Variants in MTHFD2L observed in about 807,000 individuals in gnomAD.
MTHFD2L encodes the protein bifunctional methylenetetrahydrofolate dehydrogenase/cyclohydrolase 2, mitochondrial.
MTHFD2L carries 29 observed loss-of-function variants against 34.9 expected under a neutral mutation model. The observed-to-expected ratio is 0.83, with a 90% CI of 0.62 to 1.13. MTHFD2L has a LOEUF of 1.13. Ranked by LOEUF, MTHFD2L falls within the 50% of genes most tolerant of loss-of-function variation. The pLI is 0.00. For synonymous variants in MTHFD2L, 167 were observed against 155.7 expected (o/e 1.07, Z -0.54); for missense variants, 481 against 446.5 (o/e 1.08, Z -0.70).
intron 6 of MTHFD2L, among the ~76,000 whole-genome samples, chr4:74,242,957 T>C (rs1156913556): frequency 6.6e-6 from 1 of 152,232 alleles, no homozygotes; most frequent in East Asian, 1.9e-4. Context: ...CATTTCACAT[T>C]CATATTTTTA....
intron 1 of MTHFD2L, among the ~76,000 whole-genome samples, chr4:74,129,778 A>T (rs1190447301): frequency 6.6e-6 from 1 of 152,168 alleles, no homozygotes; most frequent in Non-Finnish European, 1.5e-5. Context: ...CCCTTCAAAA[A>T]AATGAATGAA....
At chr4:74,159,156 C>T (rs1222241997) in intron 1 of MTHFD2L, among the ~76,000 whole-genome samples, 1 of 152,180 alleles carries the variant, frequency 6.6e-6, no homozygotes, top group African/African-American at 2.4e-5. Flanking sequence ...TAATTTAAAT[C>T]AGTTAACTCC....
At chr4:74,214,729 C>T (rs1245036777) in intron 5 of MTHFD2L, among the ~76,000 whole-genome samples, 1 of 151,802 alleles carries the variant, frequency 6.6e-6, no homozygotes, top group Non-Finnish European at 1.5e-5. Context: ...TAGCAGAGCT[C>T]GAATGCTGTG....
At chr4:74,205,837 G>C (rs1221477441) in intron 5 of MTHFD2L, among the ~76,000 whole-genome samples, 1 of 151,438 alleles carries the variant, frequency 6.6e-6, no homozygotes, top group Non-Finnish European at 1.5e-5. Flanking sequence ...GGTGATGGGG[G>C]AACAAGGGGA....
At chr4:74,157,481 T>C, upstream of MTHFD2L, 1 of 365,986 alleles carries the variant, frequency 2.7e-6, no homozygotes, top group Admixed American at 3.6e-5. Flanking sequence ...CACCACACAA[T>C]GCAGGGTTCT....
At chr4:74,262,960 T>C (rs528479120) in intron 6 of MTHFD2L, among the ~76,000 whole-genome samples, 2 of 152,052 alleles carry the variant, frequency 1.3e-5, no homozygotes, top group South Asian at 4.2e-4. Flanking sequence ...AGCTAAAACA[T>C]TCACCAATAG....
chr4:74,250,031 G>T lies in MTHFD2L; in HGVS notation c.805+24637G>T, dbSNP rs1175465432. The stretch of plus-strand genomic sequence containing the variant: ...CCTGAATCTGAATGTTGCCTGCCTT[G>T]CTAGATTGGGAAAGTTCTCCTGGAT... On this transcript the variant is annotated intron_variant, in intron 6 of 7. Coordinates refer to ENST00000325278, the MANE Select transcript of MTHFD2L (RefSeq NM_001144978.3). 3.3e-5 allele frequency among the ~76,000 whole-genome samples: 5 copies of T among 151,818 alleles called. No homozygotes were observed. In the South Asian group the frequency reaches 6.2e-4, roughly 19 times the overall value.
chr4:74,201,458 T>C, intron 5 of MTHFD2L, 88 bp downstream of exon 5: 1 of 954,888 alleles, frequency 1.0e-6, no homozygotes, highest in East Asian at 2.6e-5. Context: ...ATGCAGCTTA[T>C]TATATTTGTG....
At chr4:74,253,129 T>G (rs890414922) in intron 6 of MTHFD2L, among the ~76,000 whole-genome samples, 2 of 152,154 alleles carry the variant, frequency 1.3e-5, no homozygotes, top group African/African-American at 4.8e-5. Flanking sequence ...CTCAGTAGAA[T>G]GGTGCAATGA....
intron 6 of MTHFD2L, among the ~76,000 whole-genome samples, chr4:74,260,373 A>G (rs76172795): frequency 0.018 from 2,694 of 152,108 alleles, 209 homozygotes; most frequent in Admixed American, 0.13. Context: ...ATGCTGACCT[A>G]CTTGATGGTC....
At chr4:74,244,044 A>G (rs1742079791) in intron 6 of MTHFD2L, among the ~76,000 whole-genome samples, 1 of 152,192 alleles carries the variant, frequency 6.6e-6, no homozygotes, top group Non-Finnish European at 1.5e-5. Flanking sequence ...GTGGGAGAAA[A>G]TGCCACTCCC....
chr4:74,243,888 C>T (rs1742055695), intron 6 of MTHFD2L, among the ~76,000 whole-genome samples: 1 of 152,138 alleles, frequency 6.6e-6, no homozygotes, highest in African/African-American at 2.4e-5. Flanking sequence ...AAATTTGGCC[C>T]AAAACACTGT....
At position 74,280,642 on chromosome 4, in the gene MTHFD2L, T is replaced by TA. The variant is rs796397075; in HGVS notation, c.806-777dup. 4.0e-3 allele frequency among the ~76,000 whole-genome samples: 575 copies of TA among 144,960 alleles called. 16 individuals are homozygous for TA. The highest frequency in any genetic ancestry group is 0.028 in the Admixed American group (407 of 14,288). The stretch of plus-strand genomic sequence containing the variant: ...TGGATTGTTCAATGTTTTTTTTTTT[T>TA]AAAAAACTGGAACATTAACCATTGT... On this transcript the variant is annotated intron_variant, in intron 6 of 7. Coordinates refer to ENST00000325278, the MANE Select transcript of MTHFD2L (RefSeq NM_001144978.3).
At chr4:74,213,493 A>T (rs1284591119) in intron 5 of MTHFD2L, among the ~76,000 whole-genome samples, 3 of 152,018 alleles carry the variant, frequency 2.0e-5, no homozygotes, top group African/African-American at 7.3e-5. Context: ...CTGGATTGAA[A>T]ATTTTTTTCT....
rs150595618 is a variant in MTHFD2L, at chr4:74,239,429, T to C, written c.805+14035T>C. 3.4e-3 allele frequency among the ~76,000 whole-genome samples: 519 copies of C among 151,910 alleles called. 5 individuals carry two copies. Among genetic ancestry groups the C allele is most frequent in the African/African-American group, 0.012 (480 of 41,410 alleles). On this transcript the variant is annotated intron_variant, in intron 6 of 7. Coordinates refer to ENST00000325278, the MANE Select transcript of MTHFD2L (RefSeq NM_001144978.3). ...GTGCAGCAAACCAAAATGGCCCATG[T>C]ATACCTATGTAACAAACCTGCATAT...
At chr4:74,177,573 G>C (rs1297047531) in intron 3 of MTHFD2L, among the ~76,000 whole-genome samples, 1 of 151,960 alleles carries the variant, frequency 6.6e-6, no homozygotes, top group East Asian at 1.9e-4. Flanking sequence ...CCTCACACCT[G>C]TTAGGATGGC....
chr4:74,138,621 C>A (rs940521062), intron 1 of MTHFD2L, among the ~76,000 whole-genome samples: 7 of 152,104 alleles, frequency 4.6e-5, no homozygotes, highest in African/African-American at 1.4e-4. Context: ...GGATCAGGAG[C>A]GCAGCAGACA....
At chr4:74,128,180 T>C (rs1426195148) in intron 1 of MTHFD2L, among the ~76,000 whole-genome samples, 1 of 152,132 alleles carries the variant, frequency 6.6e-6, no homozygotes, top group Non-Finnish European at 1.5e-5. Flanking sequence ...TATAAAAATT[T>C]TCTCCCATTC....
rs565540036 is a variant in MTHFD2L at position 74,226,336 on chromosome 4, A to G, written c.805+942A>G. Among the ~76,000 whole-genome samples, 18 of 152,286 alleles carry G rather than the reference A, an allele frequency of 1.2e-4. No individual in the cohort carries two copies. In the South Asian group the frequency reaches 3.7e-3, roughly 32 times the overall value. ...TTCTTTCTTTACTCCCTACCATTTA[A>G]AGGACCATTGCAGAGAATGTCTGTC... On this transcript the variant is annotated intron_variant, in intron 6 of 7. Coordinates refer to ENST00000325278, the MANE Select transcript of MTHFD2L (RefSeq NM_001144978.3).
Sources: allele counts gnomAD v4.1 joint callset (sites outside exome capture counted in the v4.1 genomes callset), GRCh38; gene constraint gnomAD v4.1.1; transcripts MANE v1.5; gene names NCBI Gene and HGNC (gene_info 2026-07-23, HGNC 2026-07-21).